Variants in COPG2 observed in about 807,000 individuals in gnomAD.
The protein encoded by COPG2 is coat protein complex I subunit gamma 2, also known as coatomer subunit gamma-2.
In COPG2, 37 loss-of-function variants were observed where a neutral mutation model predicts 46.3. That is an observed-to-expected ratio of 0.80 (90% CI 0.61 to 1.05). The LOEUF (loss-of-function observed/expected upper bound fraction) is 1.05. Ranked by LOEUF, COPG2 falls within the 50% of genes least tolerant of loss-of-function variation. COPG2 has a pLI of 0.00. For missense variants in COPG2, 427 were observed against 387.8 expected, an observed-to-expected ratio of 1.10 and a Z score of -0.85; for synonymous variants, 159 against 129.7, an observed-to-expected ratio of 1.23 and a Z score of -1.53.
At chr7:130,601,084 C>T (rs1003742967) in intron 9 of COPG2, among the ~76,000 whole-genome samples, 10 of 152,210 alleles carry the variant, frequency 6.6e-5, no homozygotes, top group African/African-American at 2.4e-4. Flanking sequence ...CATCACTGGT[C>T]ATTAGAGAAA....
intron 9 of COPG2, among the ~76,000 whole-genome samples, chr7:130,603,233 T>C (rs550444862): frequency 2.6e-5 from 4 of 152,242 alleles, no homozygotes; most frequent in Non-Finnish European, 4.4e-5. Flanking sequence ...GTTGTGCCTA[T>C]GTTAAGTCTA....
chr7:130,657,210 A>G (rs1188989707), intron 4 of COPG2, among the ~76,000 whole-genome samples: 1 of 152,054 alleles, frequency 6.6e-6, no homozygotes, highest in Non-Finnish European at 1.5e-5. Context: ...ATGTAACTCA[A>G]TCATCTTCAT....
chr7:130,561,081 G>A lies in COPG2; in HGVS notation c.1080C>T (p.Leu360=), dbSNP rs1011288104. The change falls in exon 12 of 24, where the codon CTC becomes CTT. Residue 360 remains leucine (L), a synonymous_variant. Coordinates refer to ENST00000425248, the MANE Select transcript of COPG2 (RefSeq NM_012133.6). ...ACACAAAAGAAGATATCTGCTTCAT[G>A]AGCCGGTCCACACTGCTCTCACTTC... ...KTGSESSVDR[L]MKQISSFVSE... 26 of 398,434 alleles carry A rather than the reference G, an allele frequency of 6.5e-5. No homozygotes were observed. The highest frequency in any genetic ancestry group is 1.2e-3 in the Middle Eastern group (2 of 1,610). The allele number at this position is 398,434 out of a possible 1,614,324, so 24.7% of individuals were successfully genotyped here.
At chr7:130,594,734 T>C (rs1486017618) in intron 9 of COPG2, among the ~76,000 whole-genome samples, 1 of 152,166 alleles carries the variant, frequency 6.6e-6, no homozygotes, top group Non-Finnish European at 1.5e-5. Flanking sequence ...GATATGGAGA[T>C]TGGCAATAAA....
intron 5 of COPG2, among the ~76,000 whole-genome samples, chr7:130,631,517 G>T (rs1359843779): frequency 1.3e-5 from 2 of 152,056 alleles, no homozygotes; most frequent in African/African-American, 4.8e-5. Flanking sequence ...TATATGTTAT[G>T]ATTCTATTTA....
chr7:130,638,026 CCT>C (rs782089983), intron 5 of COPG2, among the ~76,000 whole-genome samples: 28 of 152,132 alleles, frequency 1.8e-4, no homozygotes, highest in Non-Finnish European at 3.7e-4. Context: ...CACTCCAGAC[CCT>C]GTTTGCCTGG....
intron 9 of COPG2, among the ~76,000 whole-genome samples, chr7:130,564,864 C>A (rs1793777477): frequency 6.6e-6 from 1 of 152,160 alleles, no homozygotes. Context: ...GCCCTATTCA[C>A]AGGCTAATCT....
At chr7:130,543,571 TA>T (rs1793378968) in intron 20 of COPG2, among the ~76,000 whole-genome samples, 1 of 152,162 alleles carries the variant, frequency 6.6e-6, no homozygotes, top group African/African-American at 2.4e-5. Flanking sequence ...AGGATGCAGG[TA>T]AGTATGTTGG....
chr7:130,556,874 A>C (rs930151641), intron 12 of COPG2, among the ~76,000 whole-genome samples: 2 of 152,220 alleles, frequency 1.3e-5, no homozygotes, highest in Non-Finnish European at 2.9e-5. Context: ...TGTCCATAAC[A>C]TAAACATATA....
intron 5 of COPG2, among the ~76,000 whole-genome samples, chr7:130,636,099 T>A (rs1795331173): frequency 6.6e-6 from 1 of 152,228 alleles, no homozygotes; most frequent in South Asian, 2.1e-4. Context: ...CTTTTGCATT[T>A]GCTGAGGAGT....
chr7:130,657,323 G>A (rs1427348118), intron 4 of COPG2, among the ~76,000 whole-genome samples: 1 of 152,086 alleles, frequency 6.6e-6, no homozygotes, highest in African/African-American at 2.4e-5. Flanking sequence ...AGAGGCAGTG[G>A]ATGGAGGAAG....
intron 9 of COPG2, among the ~76,000 whole-genome samples, chr7:130,570,941 A>C (rs1203069186): frequency 6.6e-6 from 1 of 152,092 alleles, no homozygotes; most frequent in East Asian, 1.9e-4. Context: ...GCAAAACATA[A>C]AGCGGGGAAA....
At chr7:130,628,860 C>T (rs1795169812) in intron 5 of COPG2, among the ~76,000 whole-genome samples, 2 of 152,034 alleles carry the variant, frequency 1.3e-5, no homozygotes, top group African/African-American at 2.4e-5. Context: ...GTCTGAGCAT[C>T]GTAATGAGAC....
At position 130,514,755 on chromosome 7, in the gene COPG2, T is replaced by C. The variant is rs1397998957; in HGVS notation, c.2150-6096A>G. ...AGTCCCATATTTGGGCCAAAAGACATGAAGAGGGGTTAAAGCTAAGGGGAG... is the reference window on the plus strand; with the variant it reads ...AGTCCCATATTTGGGCCAAAAGACACGAAGAGGGGTTAAAGCTAAGGGGAG... On this transcript the variant is annotated intron_variant, in intron 20 of 23. Transcript: ENST00000425248. Among the ~76,000 whole-genome samples the C allele has an allele frequency of 4.6e-5, 7 of 152,190 alleles. No homozygotes were observed. In the South Asian group the frequency reaches 1.5e-3, roughly 32 times the overall value.
chr7:130,612,534 C>T (rs1472550706), intron 7 of COPG2, among the ~76,000 whole-genome samples: 1 of 152,066 alleles, frequency 6.6e-6, no homozygotes, highest in Non-Finnish European at 1.5e-5. Context: ...GCTTAAATAA[C>T]GTTATCATAA....
chr7:130,518,142 C>A (rs1020686002), intron 20 of COPG2, among the ~76,000 whole-genome samples: 1 of 152,112 alleles, frequency 6.6e-6, no homozygotes, highest in Admixed American at 6.5e-5. Context: ...GGATAAGTAT[C>A]AGATTCATGT....
intron 5 of COPG2, among the ~76,000 whole-genome samples, chr7:130,643,428 G>A (rs1054738950): frequency 9.2e-5 from 14 of 152,182 alleles, no homozygotes; most frequent in African/African-American, 3.4e-4. Context: ...GGGAATGTAA[G>A]CATGTCAATG....
At chr7:130,572,010 C>T (rs1302827034) in intron 9 of COPG2, among the ~76,000 whole-genome samples, 2 of 152,034 alleles carry the variant, frequency 1.3e-5, no homozygotes, top group African/African-American at 4.8e-5. Flanking sequence ...CCAAACATCA[C>T]ATGTTCTCAC....
intron 9 of COPG2, among the ~76,000 whole-genome samples, chr7:130,601,623 C>A (rs1171516362): frequency 2.6e-5 from 4 of 152,066 alleles, no homozygotes; most frequent in African/African-American, 9.7e-5. Context: ...AATGAGAACC[C>A]ATGGACACAA....
Sources: allele counts gnomAD v4.1 joint callset (sites outside exome capture counted in the v4.1 genomes callset), GRCh38; gene constraint gnomAD v4.1.1; transcripts MANE v1.5; gene names NCBI Gene and HGNC (gene_info 2026-07-23, HGNC 2026-07-21).